Variants in FKBP2 observed in about 807,000 individuals in gnomAD.
FKBP2 encodes the protein peptidyl-prolyl cis-trans isomerase FKBP2.
FKBP2 carries 15 observed loss-of-function variants against 19.4 expected under a neutral mutation model. The ratio of observed to expected loss-of-function variants is 0.77; its 90% confidence interval spans 0.52 to 1.19. FKBP2 has a LOEUF of 1.19. Among genes scored for constraint, FKBP2 ranks in the 50% most tolerant of loss-of-function variants. FKBP2 has a pLI of 0.00. For synonymous variants in FKBP2, 76 were observed against 74.8 expected (o/e 1.02, Z -0.08); for missense variants, 170 against 179.0 (o/e 0.95, Z 0.29).
At position 64,244,002 on chromosome 11, in the gene FKBP2, CAA is replaced by C. The variant is rs1412212603; in HGVS notation, c.405_406del (p.Lys135AsnfsTer6). Reference protein sequence around the residue: ...ATLVFEVELLKIERRTEL With the variant: ...ATLVFEVELLXIERRTEL ...CCCTGGTGTTCGAGGTGGAGCTGCT[CAA>C]AATAGAGCGACGAACTGAGCTGTAA... On this transcript the variant is annotated frameshift_variant, in exon 6 of 6. Coordinates refer to ENST00000309366, the MANE Select transcript of FKBP2 (RefSeq NM_004470.4). LOFTEE classifies it high-confidence loss of function. 1 of 1,613,572 alleles carries C rather than the reference CAA, an allele frequency of 6.2e-7. No individual in the cohort carries two copies. Among genetic ancestry groups the C allele is most frequent in the East Asian group, 2.2e-5 (1 of 44,868 alleles).
At position 64,242,421 on chromosome 11, in the gene FKBP2, C is replaced by G; in HGVS notation, c.34C>G (p.Leu12Val). Residue 12 changes from leucine (L) to valine (V), a missense_variant, in exon 2 of 6, where the codon CTG becomes GTG. Coordinates refer to ENST00000309366, the MANE Select transcript of FKBP2 (RefSeq NM_004470.4). ...RLSWFRVLTV[L>V]SICLSAVATA... ...GAGCTGGTTCCGGGTCCTGACAGTA[C>G]TGTCCATCTGCCTGAGCGCCGTGGC... The G allele has an allele frequency of 6.4e-7, 1 of 1,556,018 alleles. No individual in the cohort carries two copies. The highest frequency in any genetic ancestry group is 8.7e-7 in the Non-Finnish European group (1 of 1,155,644).
Position 64,244,086 on chromosome 11 carries a change from A to C in FKBP2, c.*57A>C, listed in dbSNP as rs1165907142. 1.5e-5 allele frequency: 24 copies of C among 1,568,800 alleles called. No individual in the cohort carries two copies. The highest frequency in any genetic ancestry group is 5.5e-5 in the African/African-American group (4 of 72,788). On this transcript the variant is annotated 3_prime_UTR_variant, in exon 6 of 6. Coordinates refer to ENST00000309366, the MANE Select transcript of FKBP2 (RefSeq NM_004470.4). Reference sequence around the variant, plus strand: ...CCATCAGGGACCAGACTGTTCCAAAAAAAAAACAAAAAACAAAAACAAACA... The same window carrying C: ...CCATCAGGGACCAGACTGTTCCAAACAAAAAACAAAAAACAAAAACAAACA...
chr11:64,243,915 G>C, intron 5 of FKBP2, 39 bp downstream of exon 5: 1 of 1,613,998 alleles, frequency 6.2e-7, no homozygotes, highest in Non-Finnish European at 8.5e-7. Context: ...CCTGCAGCCA[G>C]CCCACCTCCC....
chr11:64,243,581 C>A, intron 4 of FKBP2, 84 bp downstream of exon 4: 1 of 1,524,014 alleles, frequency 6.6e-7, no homozygotes, highest in South Asian at 1.1e-5. Context: ...TTTCATTGGT[C>A]TTCACCGTAT....
chr11:64,243,604 A>G (rs1399695471), intron 4 of FKBP2, 107 bp downstream of exon 4: 2 of 1,409,182 alleles, frequency 1.4e-6, no homozygotes, highest in African/African-American at 1.4e-5. Context: ...ATTCATTACA[A>G]TACATGCCTC....
At chr11:64,243,110 G>A in intron 2 of FKBP2, 89 bp from the exon 3 acceptor site, 4 of 1,183,226 alleles carry the variant, frequency 3.4e-6, no homozygotes, top group Non-Finnish European at 3.8e-6. Context: ...GGGTGGGCGT[G>A]GGGGGGCAGC....
chr11:64,243,919 AC>A, intron 5 of FKBP2, 43 bp downstream of exon 5: 1 of 1,613,308 alleles, frequency 6.2e-7, no homozygotes, highest in Non-Finnish European at 8.5e-7. Context: ...CAGCCAGCCC[AC>A]CTCCCTGTGG....
At position 64,243,509 on chromosome 11, in the gene FKBP2, C is replaced by T. The variant is rs375301453; in HGVS notation, c.331+12C>T. On this transcript the variant is annotated intron_variant, in intron 4 of 5. Coordinates refer to ENST00000309366, the MANE Select transcript of FKBP2 (RefSeq NM_004470.4). Reference sequence around the variant, plus strand: ...CCCATCCGAGCTAGGTAAGAGGCCCCTCCTGAGGGTGCAGAGCGAGTTTGG... The same window carrying T: ...CCCATCCGAGCTAGGTAAGAGGCCCTTCCTGAGGGTGCAGAGCGAGTTTGG... 13 of 1,613,308 alleles carry T rather than the reference C, an allele frequency of 8.1e-6. No individual in the cohort carries two copies. The highest frequency in any genetic ancestry group is 1.1e-5 in the Non-Finnish European group (13 of 1,180,018).
At chr11:64,242,333 C>G in intron 1 of FKBP2, 51 bp from the exon 2 acceptor site, 1 of 1,459,494 alleles carries the variant, frequency 6.9e-7, no homozygotes, top group South Asian at 1.4e-5. Context: ...GTTCCATACT[C>G]TCCCTGCCCT....
In FKBP2 at chr11:64,242,278, C is replaced by T; in HGVS notation, c.-4-106C>T. On this transcript the variant is annotated intron_variant, in intron 1 of 5. Coordinates refer to ENST00000309366, the MANE Select transcript of FKBP2 (RefSeq NM_004470.4). ...CCGGGACAAAGGGGATCCCCCGGGG[C>T]AAGGAAGATACAGTGGCGGTGGAAC... is the stretch of plus-strand genomic sequence containing the variant. 3.5e-6 allele frequency: 4 copies of T among 1,153,332 alleles called. No homozygotes were observed. In the South Asian group the frequency reaches 7.4e-5, roughly 21 times the overall value. 71.4% of individuals were successfully genotyped at this position (1,153,332 alleles called of 1,614,324 possible).
intron 1 of FKBP2, 69 bp from the exon 2 acceptor site, chr11:64,242,315 C>T: frequency 4.3e-6 from 6 of 1,385,496 alleles, no homozygotes; most frequent in Non-Finnish European, 4.8e-6. Context: ...CTCCTGTTAC[C>T]TACCCGTGTT....
At chr11:64,242,354 C>A in intron 1 of FKBP2, 30 bp from the exon 2 acceptor site, 1 of 1,474,786 alleles carries the variant, frequency 6.8e-7, no homozygotes, top group South Asian at 1.4e-5. Context: ...CCCCCACGTT[C>A]AGTCGGTCGG....
At chr11:64,243,578 G>T in intron 4 of FKBP2, 81 bp downstream of exon 4, 2 of 1,532,514 alleles carry the variant, frequency 1.3e-6, no homozygotes, top group South Asian at 1.1e-5. Flanking sequence ...GCTTTTCATT[G>T]GTCTTCACCG....
At position 64,242,458 on chromosome 11, in the gene FKBP2, G is replaced by T. The variant is rs1345590524; in HGVS notation, c.71G>T (p.Gly24Val). The part of the protein sequence containing the change: ...ICLSAVATAT[G>V]AEGKRKLQIG... Reference sequence around the variant, plus strand: ...CTGAGCGCCGTGGCCACGGCCACGGGGGCCGAGGGCAAAAGGAAGCTGCAG... The same window carrying T: ...CTGAGCGCCGTGGCCACGGCCACGGTGGCCGAGGGCAAAAGGAAGCTGCAG... Residue 24 changes from glycine to valine, a missense_variant, in exon 2 of 6, where the codon GGG (glycine) becomes GTG (valine). Transcript: ENST00000309366. 61 of 1,548,574 alleles carry T rather than the reference G, an allele frequency of 3.9e-5. No homozygotes were observed. The highest frequency in any genetic ancestry group is 5.1e-5 in the Non-Finnish European group (59 of 1,154,614).
chr11:64,243,987 C>G lies in FKBP2; in HGVS notation c.387C>G (p.Phe129Leu), dbSNP rs552389491. Residue 129 changes from phenylalanine (F) to leucine (L), a missense_variant, in exon 6 of 6, where the codon TTC (phenylalanine) becomes TTG (leucine). Phe to Leu is a conservative substitution (Grantham distance 22). Coordinates refer to ENST00000309366, the MANE Select transcript of FKBP2 (RefSeq NM_004470.4). ...CTACAGGTGGTGCAACCCTGGTGTT[C>G]GAGGTGGAGCTGCTCAAAATAGAGC... ...PKIPGGATLV[F>L]EVELLKIERR... 9.3e-6 allele frequency: 15 copies of G among 1,613,910 alleles called. No individual in the cohort carries two copies. Among genetic ancestry groups the G allele is most frequent in the Non-Finnish European group, 1.2e-5 (14 of 1,179,988 alleles).
chr11:64,243,672 C>A, intron 4 of FKBP2, 169 bp from the exon 5 acceptor site: 1 of 1,149,996 alleles, frequency 8.7e-7, no homozygotes, highest in Non-Finnish European at 1.3e-6. Flanking sequence ...AAGCACTCAG[C>A]TGTAGTGGCC....
intron 4 of FKBP2, 172 bp downstream of exon 4, chr11:64,243,669 C>T: frequency 8.7e-7 from 1 of 1,150,410 alleles, no homozygotes; most frequent in Non-Finnish European, 1.3e-6. Context: ...TTGAAGCACT[C>T]AGCTGTAGTG....
chr11:64,244,062 C>G lies in FKBP2; in HGVS notation c.*33C>G. The G allele has an allele frequency of 6.3e-7, 1 of 1,590,964 alleles. No homozygotes were observed. The highest frequency in any genetic ancestry group is 8.6e-7 in the Non-Finnish European group (1 of 1,159,498). On this transcript the variant is annotated 3_prime_UTR_variant, in exon 6 of 6. Transcript: ENST00000309366. ...GGGGAGGGGCAGGGGGAGAGGCCCC[C>G]ATCAGGGACCAGACTGTTCCAAAAA... is the stretch of plus-strand genomic sequence containing the variant.
At chr11:64,242,233 C>T in intron 1 of FKBP2, 151 bp from the exon 2 acceptor site, 1 of 728,830 alleles carries the variant, frequency 1.4e-6, no homozygotes, top group Non-Finnish European at 2.0e-6. Flanking sequence ...GCCCCGGAGC[C>T]CGGGGGAGAG....
Sources: gnomAD v4.1 joint callset for allele counts on GRCh38, gnomAD v4.1.1 for gene constraint, MANE v1.5 for transcripts, NCBI Gene and HGNC (gene_info 2026-07-23, HGNC 2026-07-21) for gene names.